COL23A1: variants seen among roughly 807,000 people sequenced by gnomAD.
COL23A1 encodes collagen type XXIII alpha 1 chain.
A neutral mutation model predicts 99.3 loss-of-function variants in COL23A1; 97 were observed. That is an observed-to-expected ratio of 0.98 (90% confidence interval 0.83 to 1.16). The LOEUF is 1.16. COL23A1 is among the 50% of genes most tolerant of loss of function. The probability of loss-of-function intolerance (pLI) is 0.00; values close to 1 mark genes in which losing one functional copy is unlikely to be tolerated. For missense variants in COL23A1, 762 were observed against 757.4 expected (o/e 1.01, Z -0.07); for synonymous variants, 320 against 308.2 (o/e 1.04, Z -0.40).
chr5:178,441,948 G>A (rs1766891698), intron 2 of COL23A1, among the ~76,000 whole-genome samples: 1 of 152,148 alleles, frequency 6.6e-6, no homozygotes, highest in African/African-American at 2.4e-5. Context: ...AGCATGACCA[G>A]GCAGAGGGTC....
chr5:178,383,363 C>T (rs1018462172), intron 2 of COL23A1, among the ~76,000 whole-genome samples: 3 of 152,236 alleles, frequency 2.0e-5, no homozygotes, highest in Non-Finnish European at 4.4e-5. Context: ...AGCCCTGACC[C>T]AGTCTGTGGT....
At chr5:178,524,685 C>T (rs775210107) in intron 2 of COL23A1, among the ~76,000 whole-genome samples, 16 of 152,168 alleles carry the variant, frequency 1.1e-4, no homozygotes, top group Admixed American at 6.5e-5. Flanking sequence ...CCACGCTGAC[C>T]CGAGGCAGGG....
chr5:178,461,964 G>A (rs1378482195), intron 2 of COL23A1, among the ~76,000 whole-genome samples: 5 of 152,216 alleles, frequency 3.3e-5, no homozygotes, highest in African/African-American at 1.2e-4. Context: ...AGGAGCTGCC[G>A]CGAAAGTTCC....
intron 5 of COL23A1, among the ~76,000 whole-genome samples, chr5:178,277,318 A>G (rs1756644976): frequency 6.6e-6 from 1 of 152,160 alleles, no homozygotes; most frequent in African/African-American, 2.4e-5. Flanking sequence ...GTGAGCTATG[A>G]TGGCACCACT....
Position 178,434,052 on chromosome 5 carries a change from G to A in COL23A1, c.361+126630C>T, listed in dbSNP as rs1209372488. ...CTTGATCTCAGAGCTCCAGCCTCCG[G>A]GCCTGAGAAAATAAATGTCCATTGT... is the stretch of plus-strand genomic sequence containing the variant. On this transcript the variant is annotated intron_variant, in intron 2 of 28. Transcript: ENST00000390654. This position sits in a 1 kb window ranked among gnomAD's most constrained non-coding sequence, Gnocchi z 4.3. 6.6e-6 allele frequency among the ~76,000 whole-genome samples: 1 copy of A among 152,124 alleles called. No individual in the cohort carries two copies. The highest frequency in any genetic ancestry group is 1.5e-5 in the Non-Finnish European group (1 of 68,030).
chr5:178,273,403 T>C (rs185040599), intron 5 of COL23A1, among the ~76,000 whole-genome samples: 7 of 152,338 alleles, frequency 4.6e-5, no homozygotes, highest in Admixed American at 4.6e-4. Flanking sequence ...TTCTTTCTGA[T>C]GTGTGAGAAG....
chr5:178,563,554 C>T (rs1762709295), intron 1 of COL23A1, among the ~76,000 whole-genome samples: 1 of 86,684 alleles, frequency 1.2e-5, no homozygotes, highest in Admixed American at 1.7e-4. Context: ...TTTTTTGAGA[C>T]AGGGTCTCAC....
chr5:178,567,376 T>TA (rs1467782676), intron 1 of COL23A1, among the ~76,000 whole-genome samples: 2 of 152,156 alleles, frequency 1.3e-5, no homozygotes, highest in Admixed American at 6.5e-5. Context: ...CCTGGAGTCT[T>TA]ACAGTGCCCG....
chr5:178,326,040 C>A (rs1488654069), intron 2 of COL23A1, among the ~76,000 whole-genome samples: 1 of 152,220 alleles, frequency 6.6e-6, no homozygotes, highest in Non-Finnish European at 1.5e-5. Context: ...CCCCAGGGAG[C>A]ACCCGAGACC....
intron 2 of COL23A1, among the ~76,000 whole-genome samples, chr5:178,405,855 C>G (rs1395800722): frequency 2.0e-5 from 3 of 152,126 alleles, no homozygotes; most frequent in Admixed American, 1.3e-4. Flanking sequence ...GTAATCCCAG[C>G]ACTTTGGGAG....
chr5:178,241,968 G>T, intron 27 of COL23A1, 74 bp downstream of exon 27: 1 of 1,171,228 alleles, frequency 8.5e-7, no homozygotes, highest in Non-Finnish European at 1.2e-6. Context: ...GAGTTCCGAG[G>T]ACAGGGAAGA....
intron 2 of COL23A1, among the ~76,000 whole-genome samples, chr5:178,397,858 G>T (rs376354985): frequency 1.3e-5 from 2 of 152,272 alleles, no homozygotes; most frequent in South Asian, 2.1e-4. Flanking sequence ...GTGGTGACAC[G>T]TGCCTGTAGT....
chr5:178,365,532 C>T lies in COL23A1; in HGVS notation c.362-58613G>A, dbSNP rs972622890. On this transcript the variant is annotated intron_variant, in intron 2 of 28. Transcript: ENST00000390654. This position sits in a 1 kb window ranked among gnomAD's most constrained non-coding sequence, Gnocchi z 5.2. ...TGTCGACAGGATCAAGCACAAGCCTCCTTGGCAGGGATGAGGGGTCCTCAG... is the reference window on the plus strand; with the variant it reads ...TGTCGACAGGATCAAGCACAAGCCTTCTTGGCAGGGATGAGGGGTCCTCAG... Among the ~76,000 whole-genome samples, 10 of 152,202 alleles carry T rather than the reference C, an allele frequency of 6.6e-5. No individual in the cohort carries two copies. The highest frequency in any genetic ancestry group is 2.2e-4 in the African/African-American group (9 of 41,444).
rs1359524202 is a variant in COL23A1 at position 178,560,700 on chromosome 5, C to G, written c.343G>C (p.Glu115Gln). 1 of 1,612,332 alleles carries G rather than the reference C, an allele frequency of 6.2e-7. No individual in the cohort carries two copies. Among genetic ancestry groups the G allele is most frequent in the East Asian group, 2.2e-5 (1 of 44,760 alleles). ...KIRTAREAPS[E>Q]CVCPPGPPGR... is the part of the protein sequence containing the mutation. Reference sequence around the variant, plus strand: ...CACTTACCTGGGGGGCAGACACATTCGGATGGAGCTTCCCGAGCAGTCCGG... The same window carrying G: ...CACTTACCTGGGGGGCAGACACATTGGGATGGAGCTTCCCGAGCAGTCCGG... Residue 115 changes from glutamate (E) to glutamine (Q), a missense_variant, in exon 2 of 29, where the codon GAA (glutamate) becomes CAA (glutamine). Physicochemically the swap from Glu to Gln is conservative, Grantham distance 29 (BLOSUM62 2). Coordinates refer to ENST00000390654, the MANE Select transcript of COL23A1 (RefSeq NM_173465.4).
chr5:178,559,009 C>T (rs958146384), intron 2 of COL23A1, among the ~76,000 whole-genome samples: 3 of 152,152 alleles, frequency 2.0e-5, no homozygotes, highest in Non-Finnish European at 2.9e-5. Flanking sequence ...AGACTGCTCT[C>T]GAACTCCTGA....
At chr5:178,511,392 A>C (rs1662037066) in intron 2 of COL23A1, among the ~76,000 whole-genome samples, 1 of 152,244 alleles carries the variant, frequency 6.6e-6, no homozygotes, top group Non-Finnish European at 1.5e-5. Flanking sequence ...ACTCCTTTGA[A>C]AGAGAAGACC....
At chr5:178,438,072 C>T (rs1766660365) in intron 2 of COL23A1, among the ~76,000 whole-genome samples, 2 of 152,214 alleles carry the variant, frequency 1.3e-5, no homozygotes, top group Non-Finnish European at 2.9e-5. Context: ...CAAAGATGTG[C>T]AGGGGCACAG....
intron 2 of COL23A1, among the ~76,000 whole-genome samples, chr5:178,533,197 G>C (rs1422236812): frequency 6.6e-6 from 1 of 152,184 alleles, no homozygotes; most frequent in Non-Finnish European, 1.5e-5. Context: ...TTGCGGTAAA[G>C]TGTATGCAGC....
intron 1 of COL23A1, among the ~76,000 whole-genome samples, chr5:178,566,945 CTT>C (rs1196449782): frequency 6.6e-6 from 1 of 152,190 alleles, no homozygotes; most frequent in Non-Finnish European, 1.5e-5. Context: ...TTTGAAACTA[CTT>C]TATATACACA....
Sources: gnomAD v4.1 joint callset for allele counts (sites outside exome capture counted in the v4.1 genomes callset) on GRCh38, gnomAD v4.1.1 for gene constraint, Gnocchi (gnomAD v3.1) non-coding constraint, MANE v1.5 for transcripts, NCBI Gene and HGNC (gene_info 2026-07-23, HGNC 2026-07-21) for gene names.